Variants in TEX15 observed in about 807,000 individuals in gnomAD.
TEX15 encodes testis expressed 15, meiosis and synapsis associated.
In TEX15, 171 loss-of-function variants were observed where a neutral mutation model predicts 237.3. The observed-to-expected ratio is 0.72, with a 90% CI of 0.64 to 0.82. The LOEUF is 0.82. Among genes scored for constraint, TEX15 ranks in the 40% least tolerant of loss-of-function variants. The pLI is 0.00. For synonymous variants in TEX15, 1,338 were observed against 1,269.8 expected, an observed-to-expected ratio of 1.05 and a Z score of -1.14; for missense variants, 3,750 against 3,646.5, an observed-to-expected ratio of 1.03 and a Z score of -0.73.
At chr8:30,853,771 A>C (rs933732225) in intron 7 of TEX15, among the ~76,000 whole-genome samples, 1 of 152,170 alleles carries the variant, frequency 6.6e-6, no homozygotes, top group African/African-American at 2.4e-5. Flanking sequence ...TAGGTTATAC[A>C]ACAAACCTCA....
intron 5 of TEX15, among the ~76,000 whole-genome samples, chr8:30,865,102 A>C (rs1808132494): frequency 6.6e-6 from 1 of 152,052 alleles, no homozygotes; most frequent in Non-Finnish European, 1.5e-5. Flanking sequence ...AAGACAGAAG[A>C]CCCAAATAAA....
intron 3 of TEX15, among the ~76,000 whole-genome samples, chr8:30,883,680 C>T (rs1017256230): frequency 3.9e-5 from 6 of 152,170 alleles, no homozygotes; most frequent in African/African-American, 1.4e-4. Context: ...AGGACATGAT[C>T]TCATTCCTTT....
Position 30,849,101 on chromosome 8 carries a change from T to A in TEX15, c.1066A>T (p.Thr356Ser), listed in dbSNP as rs757299108. 5.6e-5 allele frequency: 90 copies of A among 1,611,110 alleles called. No homozygotes were observed. The highest frequency in any genetic ancestry group is 7.2e-5 in the Non-Finnish European group (85 of 1,178,892). ...CTGTGCTCTGTCTGTCCACTGTATG[T>A]TTCAGGTATAGAAATGTTTCCATTT... The part of the protein sequence containing the change: ...VQNGNISIPE[T>S]YSGQTEHSLA... The change falls in exon 8 of 11, where the codon ACA (threonine) becomes TCA (serine). Residue 356 changes from threonine to serine, a missense_variant. Thr to Ser is a moderately conservative substitution (Grantham distance 58). Transcript: ENST00000643185.
rs564721670 is a variant in TEX15, at chr8:30,838,228, G to A, written c.8223-167C>T. Among the ~76,000 whole-genome samples the A allele has an allele frequency of 3.3e-5, 5 of 152,212 alleles. No homozygotes were observed. In the South Asian group the frequency reaches 1.0e-3, roughly 32 times the overall value. On this transcript the variant is annotated intron_variant, in intron 9 of 10. Transcript: ENST00000643185. ...TTAACATTTTCCTAGTTTGACTGCC[G>A]TGGTTTGGATTTAGATACTTTTCCT...
intron 2 of TEX15, among the ~76,000 whole-genome samples, chr8:30,890,942 T>C (rs1356920094): frequency 6.6e-6 from 1 of 152,228 alleles, no homozygotes; most frequent in East Asian, 1.9e-4. Context: ...TAATGATTTA[T>C]AAGGACTCCA....
intron 5 of TEX15, among the ~76,000 whole-genome samples, chr8:30,863,242 T>C (rs931901395): frequency 2.8e-4 from 43 of 152,124 alleles, no homozygotes; most frequent in Admixed American, 1.0e-3. Context: ...TTCCTTTGAG[T>C]GTAATGTTGG....
chr8:30,877,529 C>T (rs1029980152), intron 3 of TEX15, among the ~76,000 whole-genome samples: 2 of 151,982 alleles, frequency 1.3e-5, no homozygotes, highest in African/African-American at 4.8e-5. Context: ...TATTATTGAC[C>T]CCCAAAATGA....
intron 1 of TEX15, among the ~76,000 whole-genome samples, chr8:30,912,316 G>C (rs1264145752): frequency 1.1e-4 from 12 of 106,142 alleles, no homozygotes; most frequent in Admixed American, 1.0e-3. Flanking sequence ...CCGAGTTGCG[G>C]TCCCGGGGCG....
chr8:30,848,052 A>G lies in TEX15; in HGVS notation c.2115T>C (p.Asp705=), dbSNP rs780317144. The change falls in exon 8 of 11, where the codon GAT becomes GAC. Residue 705 remains aspartate, a synonymous_variant. Transcript: ENST00000643185. ...TSTIKDKDEL[D]HLALEWQITP... ...TAATTTGCCATTCCAATGCTAGATG[A>G]TCTAGTTCATCCTTATCCTTTATGG... 2 of 1,613,720 alleles carry G rather than the reference A, an allele frequency of 1.2e-6. No homozygotes were observed. Among genetic ancestry groups the G allele is most frequent in the South Asian group, 2.2e-5 (2 of 91,068 alleles).
Position 30,847,365 on chromosome 8 carries a change from T to C in TEX15, c.2802A>G (p.Ala934=). The part of the protein sequence containing the change: ...LICREDNAVS[A]ATALLESEED... ...CTTCACTCTCTAATAATGCAGTTGC[T>C]GCTGACACTGCATTATCTTCTCTGC... is the stretch of plus-strand genomic sequence containing the variant. The change falls in exon 8 of 11, where the codon GCA becomes GCG. Residue 934 remains alanine, a synonymous_variant. Coordinates refer to ENST00000643185, the MANE Select transcript of TEX15 (RefSeq NM_001350162.2). The C allele has an allele frequency of 6.2e-7, 1 of 1,613,612 alleles. No individual in the cohort carries two copies. Among genetic ancestry groups the C allele is most frequent in the Non-Finnish European group, 8.5e-7 (1 of 1,179,760 alleles).
intron 7 of TEX15, among the ~76,000 whole-genome samples, chr8:30,851,929 AT>A (rs1184901556): frequency 6.6e-6 from 1 of 152,014 alleles, no homozygotes; most frequent in African/African-American, 2.4e-5. Context: ...GCAAGACCCC[AT>A]CTCAAAACAA....
intron 7 of TEX15, among the ~76,000 whole-genome samples, chr8:30,853,777 C>T (rs1807840191): frequency 6.6e-6 from 1 of 151,874 alleles, no homozygotes; most frequent in Admixed American, 6.6e-5. Flanking sequence ...ATACAACAAA[C>T]CTCAATAAAC....
chr8:30,866,053 TA>T (rs1468719077), intron 5 of TEX15, among the ~76,000 whole-genome samples: 1 of 151,972 alleles, frequency 6.6e-6, no homozygotes, highest in Non-Finnish European at 1.5e-5. Flanking sequence ...CTAGTGTCAT[TA>T]AAAAAACCCT....
Position 30,848,884 on chromosome 8 carries a change from G to A in TEX15, c.1283C>T (p.Ser428Leu). The A allele has an allele frequency of 6.2e-7, 1 of 1,614,126 alleles. No homozygotes were observed. Among genetic ancestry groups the A allele is most frequent in the Non-Finnish European group, 8.5e-7 (1 of 1,180,030 alleles). Residue 428 changes from serine (S) to leucine (L), a missense_variant, in exon 8 of 11, where the codon TCA (serine) becomes TTA (leucine). Ser to Leu is a moderately radical substitution (Grantham distance 145). Transcript: ENST00000643185. ...CAGTCTTGGGTCTTTGATGGATTTT[G>A]AAGTAGTGACTGTGCTTGAGCCAGT... is the stretch of plus-strand genomic sequence containing the variant. Reference protein sequence around the residue: ...NNTGSSTVTTSKSIKDPRLMR... With the variant: ...NNTGSSTVTTLKSIKDPRLMR...
chr8:30,838,196 A>G (rs1399924137), intron 9 of TEX15, 135 bp from the exon 10 acceptor site: 2 of 743,356 alleles, frequency 2.7e-6, no homozygotes, highest in Admixed American at 3.6e-5. Context: ...TATTGGCACT[A>G]TACAAGTTAA....
intron 4 of TEX15, among the ~76,000 whole-genome samples, chr8:30,869,114 G>A (rs368427567): frequency 6.6e-6 from 1 of 151,544 alleles, no homozygotes; most frequent in Middle Eastern, 3.4e-3. Flanking sequence ...GTAAAAAAAT[G>A]ACCTATAAAA....
intron 1 of TEX15, among the ~76,000 whole-genome samples, chr8:30,905,497 C>G (rs1809083325): frequency 6.6e-6 from 1 of 151,970 alleles, no homozygotes; most frequent in African/African-American, 2.4e-5. Flanking sequence ...AAATTTTCCT[C>G]TAAAAAATTT....
intron 5 of TEX15, among the ~76,000 whole-genome samples, chr8:30,861,120 C>T (rs1189110123): frequency 6.6e-6 from 1 of 151,870 alleles, no homozygotes; most frequent in Non-Finnish European, 1.5e-5. Context: ...ACTAAAAATA[C>T]AGTATATTAA....
At chr8:30,884,293 T>C (rs1205940591) in intron 3 of TEX15, among the ~76,000 whole-genome samples, 1 of 152,250 alleles carries the variant, frequency 6.6e-6, no homozygotes, top group Non-Finnish European at 1.5e-5. Context: ...CTTGGCTCTG[T>C]AGTTTTCTTC....
Sources: gnomAD v4.1 joint callset for allele counts (sites outside exome capture counted in the v4.1 genomes callset) on GRCh38, gnomAD v4.1.1 for gene constraint, MANE v1.5 for transcripts, NCBI Gene and HGNC (gene_info 2026-07-23, HGNC 2026-07-21) for gene names.